The following RUNX1 variants were observed in gnomAD, a reference collection of about 807,000 sequenced individuals.
The protein encoded by RUNX1 is runt-related transcription factor 1.
RUNX1 carries 19 observed loss-of-function variants against 42.8 expected under a neutral mutation model. That is an observed-to-expected ratio of 0.44 (90% CI 0.31 to 0.65). The LOEUF is 0.65. Among genes scored for constraint, RUNX1 ranks in the 30% least tolerant of loss-of-function variants. RUNX1 has a pLI of 0.07. For missense variants in RUNX1, 528 were observed against 672.0 expected (o/e 0.79, Z 2.37); for synonymous variants, 271 against 289.4 (o/e 0.94, Z 0.64).
intron 2 of RUNX1, among the ~76,000 whole-genome samples, chr21:34,941,580 C>A (rs924468500): frequency 3.9e-5 from 6 of 152,190 alleles, no homozygotes; most frequent in African/African-American, 1.4e-4. Flanking sequence ...TTTCAAAATT[C>A]TTGTCTTCTC....
intron 2 of RUNX1, among the ~76,000 whole-genome samples, chr21:35,010,048 T>C (rs2059114456): frequency 1.3e-5 from 2 of 151,628 alleles, no homozygotes; most frequent in Non-Finnish European, 2.9e-5. Flanking sequence ...AAAGTTGATA[T>C]TGGTAATGAG....
chr21:34,817,520 C>A (rs1425470222), intron 7 of RUNX1, among the ~76,000 whole-genome samples: 1 of 152,142 alleles, frequency 6.6e-6, no homozygotes, highest in Non-Finnish European at 1.5e-5. Flanking sequence ...CTGCCCATTC[C>A]TTGTTTGAGT....
intron 2 of RUNX1, among the ~76,000 whole-genome samples, chr21:34,994,612 C>T (rs1028371356): frequency 1.3e-5 from 2 of 151,966 alleles, no homozygotes; most frequent in African/African-American, 4.8e-5. Flanking sequence ...GCGTATACAC[C>T]TACTATGCAC....
At chr21:34,939,258 T>A (rs1449409535) in intron 2 of RUNX1, among the ~76,000 whole-genome samples, 5 of 152,224 alleles carry the variant, frequency 3.3e-5, no homozygotes, top group Non-Finnish European at 5.9e-5. Context: ...ACAGATACAC[T>A]TTTTTATTCT....
chr21:35,047,540 C>T (rs2059405692), intron 2 of RUNX1, among the ~76,000 whole-genome samples: 1 of 135,754 alleles, frequency 7.4e-6, no homozygotes, highest in Non-Finnish European at 1.6e-5. Context: ...CACACACACA[C>T]ACACACACAC....
chr21:34,849,315 T>A (rs1436765701), intron 6 of RUNX1, among the ~76,000 whole-genome samples: 1 of 35,066 alleles, frequency 2.9e-5, no homozygotes, highest in Non-Finnish European at 5.2e-5. Flanking sequence ...ATATATATTA[T>A]ATATATATTA....
chr21:34,862,664 CCCT>C (rs2057594191), intron 5 of RUNX1, among the ~76,000 whole-genome samples: 2 of 152,074 alleles, frequency 1.3e-5, no homozygotes, highest in African/African-American at 4.8e-5. Context: ...ACTGGGTGTC[CCCT>C]CCCTCTTCTT....
intron 6 of RUNX1, among the ~76,000 whole-genome samples, chr21:34,847,557 A>G (rs1442092915): frequency 6.6e-6 from 1 of 152,184 alleles, no homozygotes; most frequent in East Asian, 1.9e-4. Flanking sequence ...ACATTGATAT[A>G]TATTATCTCA....
At chr21:34,947,586 G>T (rs2058573587) in intron 2 of RUNX1, among the ~76,000 whole-genome samples, 1 of 152,114 alleles carries the variant, frequency 6.6e-6, no homozygotes, top group African/African-American at 2.4e-5. Context: ...CCCCTGATGT[G>T]TTCATAAACA....
chr21:35,042,891 C>T (rs527834298), intron 2 of RUNX1, among the ~76,000 whole-genome samples: 5 of 152,176 alleles, frequency 3.3e-5, no homozygotes, highest in South Asian at 4.1e-4. Context: ...ACATAATTTC[C>T]GTCATGTTTC....
At chr21:34,853,335 A>C (rs577999374) in intron 6 of RUNX1, among the ~76,000 whole-genome samples, 1 of 152,178 alleles carries the variant, frequency 6.6e-6, no homozygotes, top group Non-Finnish European at 1.5e-5. Context: ...AAAATGATGA[A>C]TGCCAAAGCA....
intron 2 of RUNX1, among the ~76,000 whole-genome samples, chr21:34,974,354 G>A (rs543709324): frequency 6.6e-6 from 1 of 151,570 alleles, no homozygotes; most frequent in South Asian, 2.1e-4. Flanking sequence ...CTACGGAAAC[G>A]AGGGCAAGCT....
At chr21:34,957,972 TG>T (rs1180166553) in intron 2 of RUNX1, among the ~76,000 whole-genome samples, 2 of 152,212 alleles carry the variant, frequency 1.3e-5, no homozygotes, top group East Asian at 3.8e-4. Flanking sequence ...GTGGTTTGTT[TG>T]TACAAGTCTC....
rs759490852 is a variant in RUNX1 at position 34,887,126 on chromosome 21, T to C, written c.98-30A>G. On this transcript the variant is annotated intron_variant, in intron 3 of 8. Transcript: ENST00000675419. ...GGGGATACGCATCACAACAAGCCGA[T>C]TGAGTTAGGACCCTGCAAACAGCTC... is the stretch of plus-strand genomic sequence containing the variant. The C allele has an allele frequency of 2.5e-6, 4 of 1,597,750 alleles. No individual in the cohort carries two copies. Among genetic ancestry groups the C allele is most frequent in the East Asian group, 2.2e-5 (1 of 44,828 alleles).
chr21:35,026,817 G>A (rs1477108516), intron 2 of RUNX1, among the ~76,000 whole-genome samples: 1 of 152,254 alleles, frequency 6.6e-6, no homozygotes, highest in African/African-American at 2.4e-5. Flanking sequence ...CAGACAGGAA[G>A]GGAGGCGGTG....
intron 6 of RUNX1, among the ~76,000 whole-genome samples, chr21:34,849,304 A>AATATATATTATATATATATTATATATACT (rs1368583778): frequency 2.6e-5 from 1 of 39,162 alleles, no homozygotes; most frequent in African/African-American, 9.2e-5. Flanking sequence ...TAAAATATAT[A>AATATATATTATATATATATTATATATACT]ATATATATTA....
rs1021698654 is a variant in RUNX1 at position 35,021,319 on chromosome 21, A to C, written c.58+27523T>G. Among the ~76,000 whole-genome samples the C allele has an allele frequency of 2.6e-5, 4 of 152,268 alleles. No individual in the cohort carries two copies. The South Asian group carries it at 6.2e-4, about 24-fold the overall frequency. On this transcript the variant is annotated intron_variant, in intron 2 of 8. Transcript: ENST00000675419. ...AAGCACCTAGAACAATTCCTGGCACATAGCGAGCGAGCACTGTCTAAGTGT... is the reference window on the plus strand; with the variant it reads ...AAGCACCTAGAACAATTCCTGGCACCTAGCGAGCGAGCACTGTCTAAGTGT...
At chr21:35,029,527 G>C (rs920435964) in intron 2 of RUNX1, among the ~76,000 whole-genome samples, 1 of 152,170 alleles carries the variant, frequency 6.6e-6, no homozygotes, top group African/African-American at 2.4e-5. Flanking sequence ...AACACGGTTG[G>C]TGCTGGCAAC....
chr21:34,801,019 C>CGT (rs1165890621), intron 7 of RUNX1, among the ~76,000 whole-genome samples: 1 of 151,994 alleles, frequency 6.6e-6, no homozygotes, highest in African/African-American at 2.4e-5. Context: ...TGTAATCTTA[C>CGT]AGCTAACAGT....
Sources: allele counts gnomAD v4.1 joint callset (sites outside exome capture counted in the v4.1 genomes callset), GRCh38; gene constraint gnomAD v4.1.1; transcripts MANE v1.5; gene names NCBI Gene and HGNC (gene_info 2026-07-23, HGNC 2026-07-21).